Variants in LHFPL6 observed in about 807,000 individuals in gnomAD.
LHFPL6 encodes LHFPL tetraspan subfamily member 6 protein.
LHFPL6 carries 9 observed loss-of-function variants against 20.6 expected under a neutral mutation model. The ratio of observed to expected loss-of-function variants is 0.44; its 90% CI spans 0.26 to 0.76. The LOEUF is 0.76. LHFPL6 is among the 30% of genes least tolerant of loss of function. The pLI, the probability that LHFPL6 is intolerant of heterozygous loss-of-function variation, is 0.20. For synonymous variants in LHFPL6, 105 were observed against 98.7 expected (o/e 1.06, Z -0.38); for missense variants, 218 against 253.5 (o/e 0.86, Z 0.95).
intron 2 of LHFPL6, among the ~76,000 whole-genome samples, chr13:39,599,343 TTCTATTCTTAAAA>T (rs1489673591): frequency 6.6e-6 from 1 of 152,264 alleles, no homozygotes; most frequent in Non-Finnish European, 1.5e-5. Flanking sequence ...TTGGCATTAA[TTCTATTCTTAAAA>T]TCTATTCTTA....
At chr13:39,423,803 G>A (rs1385651610) in intron 2 of LHFPL6, among the ~76,000 whole-genome samples, 1 of 152,226 alleles carries the variant, frequency 6.6e-6, no homozygotes, top group Admixed American at 6.5e-5. Flanking sequence ...AAGTCATGTG[G>A]AGTTGTCTGG....
intron 2 of LHFPL6, among the ~76,000 whole-genome samples, chr13:39,587,778 A>C (rs1872495295): frequency 6.6e-6 from 1 of 151,952 alleles, no homozygotes; most frequent in Non-Finnish European, 1.5e-5. Context: ...ATTAGATAGG[A>C]GTGATATTGA....
intron 2 of LHFPL6, among the ~76,000 whole-genome samples, chr13:39,422,098 G>C (rs1241609909): frequency 6.6e-6 from 1 of 152,092 alleles, no homozygotes; most frequent in Non-Finnish European, 1.5e-5. Context: ...TTATTTCATT[G>C]TATTGCATTT....
intron 2 of LHFPL6, among the ~76,000 whole-genome samples, chr13:39,450,051 A>AACTCATAC (rs1275076316): frequency 1.6e-4 from 25 of 152,316 alleles, no homozygotes; most frequent in Non-Finnish European, 3.7e-4. Context: ...TTGGAGGAGA[A>AACTCATAC]ACTCATACAC....
chr13:39,476,926 A>C (rs1019113149), intron 2 of LHFPL6, among the ~76,000 whole-genome samples: 1 of 152,222 alleles, frequency 6.6e-6, no homozygotes, highest in African/African-American at 2.4e-5. Context: ...GATATTCTGC[A>C]TGGTCTTTGT....
At chr13:39,540,058 C>A (rs1870748006) in intron 2 of LHFPL6, among the ~76,000 whole-genome samples, 1 of 152,026 alleles carries the variant, frequency 6.6e-6, no homozygotes, top group African/African-American at 2.4e-5. Context: ...AAAGCTAAAT[C>A]ATGATTCAGA....
chr13:39,442,156 A>G (rs2138414739), intron 2 of LHFPL6, among the ~76,000 whole-genome samples: 1 of 152,268 alleles, frequency 6.6e-6, no homozygotes, highest in South Asian at 2.1e-4. Flanking sequence ...GTGTCTCTAC[A>G]TATCAAATAG....
chr13:39,553,196 A>G (rs140385101), intron 2 of LHFPL6, among the ~76,000 whole-genome samples: 1 of 152,202 alleles, frequency 6.6e-6, no homozygotes, highest in Non-Finnish European at 1.5e-5. Context: ...CAATTAATGG[A>G]ATACAATTTA....
chr13:39,374,426 C>T (rs1870237196), intron 3 of LHFPL6, among the ~76,000 whole-genome samples: 1 of 152,014 alleles, frequency 6.6e-6, no homozygotes, highest in Admixed American at 6.6e-5. Context: ...AACTCTTGGG[C>T]ATTATGCTCA....
chr13:39,427,739 C>T (rs958801810), intron 2 of LHFPL6, among the ~76,000 whole-genome samples: 3 of 152,088 alleles, frequency 2.0e-5, no homozygotes, highest in African/African-American at 4.8e-5. Context: ...TTGTAGGCTT[C>T]GGATATGCTT....
At chr13:39,467,751 A>C (rs1416293726) in intron 2 of LHFPL6, among the ~76,000 whole-genome samples, 1 of 152,188 alleles carries the variant, frequency 6.6e-6, no homozygotes, top group Admixed American at 6.5e-5. Context: ...AATGCACAAA[A>C]AGAATTATTT....
intron 2 of LHFPL6, among the ~76,000 whole-genome samples, chr13:39,472,780 T>TGTA (rs1872979615): frequency 6.6e-6 from 1 of 152,080 alleles, no homozygotes; most frequent in Admixed American, 6.5e-5. Flanking sequence ...AGCTAACTTT[T>TGTA]GTATTTTTAT....
intron 2 of LHFPL6, among the ~76,000 whole-genome samples, chr13:39,455,291 C>G (rs1021771338): frequency 1.3e-5 from 2 of 152,164 alleles, no homozygotes; most frequent in African/African-American, 4.8e-5. Flanking sequence ...GCGGCAACCC[C>G]TCATCCTGAC....
chr13:39,379,535 T>G (rs1410168667), intron 2 of LHFPL6, among the ~76,000 whole-genome samples: 7 of 152,190 alleles, frequency 4.6e-5, no homozygotes, highest in Admixed American at 2.6e-4. Context: ...GGGCCCGGAA[T>G]GTATCTAGGA....
chr13:39,384,242 A>G (rs966532595), intron 2 of LHFPL6, among the ~76,000 whole-genome samples: 6 of 152,318 alleles, frequency 3.9e-5, no homozygotes, highest in African/African-American at 1.4e-4. Flanking sequence ...GCAAGTGTAG[A>G]GAGCAATATT....
At chr13:39,471,213 G>C (rs554969789) in intron 2 of LHFPL6, among the ~76,000 whole-genome samples, 1 of 152,296 alleles carries the variant, frequency 6.6e-6, no homozygotes, top group Admixed American at 6.5e-5. Context: ...AAGACTGAAG[G>C]ATGCAGGAAT....
chr13:39,470,753 A>T (rs1408939941), intron 2 of LHFPL6, among the ~76,000 whole-genome samples: 1 of 152,224 alleles, frequency 6.6e-6, no homozygotes, highest in African/African-American at 2.4e-5. Context: ...TTAACTTTTA[A>T]AAGAATTTGA....
chr13:39,554,862 A>C (rs1041758237), intron 2 of LHFPL6, among the ~76,000 whole-genome samples: 1 of 152,218 alleles, frequency 6.6e-6, no homozygotes, highest in African/African-American at 2.4e-5. Context: ...TCAAGTACTA[A>C]AGGTTGTAAA....
chr13:39,439,552 T>G (rs894704482), intron 2 of LHFPL6, among the ~76,000 whole-genome samples: 4 of 152,158 alleles, frequency 2.6e-5, no homozygotes, highest in African/African-American at 9.7e-5. Flanking sequence ...GATATAATAA[T>G]ATGGTTTGGA....
Sources: allele counts gnomAD v4.1 joint callset (sites outside exome capture counted in the v4.1 genomes callset), GRCh38; gene constraint gnomAD v4.1.1; transcripts MANE v1.5; gene names NCBI Gene and HGNC (gene_info 2026-07-23, HGNC 2026-07-21).